The following UTRN variants were observed in gnomAD, a reference collection of about 807,000 sequenced individuals.
The protein encoded by UTRN is utrophin.
Under a neutral mutation model 463.9 loss-of-function variants are expected in UTRN, and 283 were observed. The observed-to-expected ratio is 0.61, with a 90% confidence interval of 0.55 to 0.67. The LOEUF is 0.67. Among genes scored for constraint, UTRN ranks in the 30% least tolerant of loss-of-function variants. The pLI is 0.00. For synonymous variants in UTRN, 1,442 were observed against 1,431.5 expected (o/e 1.01, Z -0.17); for missense variants, 3,922 against 4,084.3 (o/e 0.96, Z 1.08).
chr6:144,521,881 T>C (rs908293780), intron 39 of UTRN, 99 bp from the exon 40 acceptor site: 2 of 794,466 alleles, frequency 2.5e-6, no homozygotes, highest in African/African-American at 1.8e-5. Context: ...GTTCATGATA[T>C]TGCATTCCTT....
chr6:144,495,497 C>G (rs1793545432), intron 33 of UTRN, among the ~76,000 whole-genome samples: 1 of 152,228 alleles, frequency 6.6e-6, no homozygotes, highest in South Asian at 2.1e-4. Context: ...GCGTGGCGCG[C>G]AGCCCCGGTT....
intron 50 of UTRN, among the ~76,000 whole-genome samples, chr6:144,561,264 T>TATATAC (rs1799879040): frequency 1.0e-5 from 1 of 98,860 alleles, no homozygotes; most frequent in Non-Finnish European, 2.1e-5. Context: ...TATATATACA[T>TATATAC]ACACACACAC....
At chr6:144,623,853 T>A (rs1775683519) in intron 51 of UTRN, among the ~76,000 whole-genome samples, 1 of 152,204 alleles carries the variant, frequency 6.6e-6, no homozygotes, top group African/African-American at 2.4e-5. Context: ...AAATACATGA[T>A]ACCTTTAATA....
chr6:144,406,920 C>G (rs9321973), intron 3 of UTRN, among the ~76,000 whole-genome samples: 1 of 152,078 alleles, frequency 6.6e-6, no homozygotes, highest in African/African-American at 2.4e-5. Flanking sequence ...TCATTTTGCT[C>G]CAGCCACACG....
In UTRN at chr6:144,626,383, C is replaced by T. The variant is rs145746357; in HGVS notation, c.7479+49095C>T. On this transcript the variant is annotated intron_variant, in intron 51 of 74. Coordinates refer to ENST00000367545, the MANE Select transcript of UTRN (RefSeq NM_007124.3). ...ATCTCCTTTAAATCAGTTTCCCTCT[C>T]GCAACTGGTCAAGGGCCAGACTAGA... 1.3e-3 allele frequency among the ~76,000 whole-genome samples: 194 copies of T among 152,358 alleles called. 1 individual carries two copies. The highest frequency in any genetic ancestry group is 4.7e-3 in the Admixed American group (72 of 15,306).
At chr6:144,391,584 T>G (rs1387232177) in intron 2 of UTRN, among the ~76,000 whole-genome samples, 2 of 152,140 alleles carry the variant, frequency 1.3e-5, no homozygotes, top group Non-Finnish European at 1.5e-5. Context: ...TATTCGCAAG[T>G]AGGCTCGAAA....
chr6:144,723,402 A>G (rs1455057150), intron 53 of UTRN, among the ~76,000 whole-genome samples: 1 of 152,140 alleles, frequency 6.6e-6, no homozygotes, highest in African/African-American at 2.4e-5. Context: ...TAATTCTGAG[A>G]GCATTTCTCC....
intron 34 of UTRN, among the ~76,000 whole-genome samples, chr6:144,502,343 G>T (rs1018674060): frequency 6.6e-6 from 1 of 151,404 alleles, no homozygotes; most frequent in African/African-American, 2.4e-5. Flanking sequence ...ACGTGCCATG[G>T]TCATTTGTCT....
intron 2 of UTRN, among the ~76,000 whole-genome samples, chr6:144,391,920 G>T (rs969290728): frequency 6.6e-6 from 1 of 152,204 alleles, no homozygotes; most frequent in African/African-American, 2.4e-5. Flanking sequence ...GATTACAGGC[G>T]TGAGCCACTG....
intron 53 of UTRN, among the ~76,000 whole-genome samples, chr6:144,702,743 G>C (rs1784717328): frequency 6.6e-6 from 1 of 152,108 alleles, no homozygotes; most frequent in South Asian, 2.1e-4. Context: ...GAGGCAGAGA[G>C]CACAAAGGCC....
chr6:144,383,046 C>T (rs895892978), intron 2 of UTRN, among the ~76,000 whole-genome samples: 6 of 152,048 alleles, frequency 3.9e-5, no homozygotes, highest in African/African-American at 1.4e-4. Context: ...ATCCTCCCAC[C>T]CCACCCTCCC....
chr6:144,742,350 C>G lies in UTRN; in HGVS notation c.7940-5896C>G, dbSNP rs982413325. Among the ~76,000 whole-genome samples, 15 of 152,292 alleles carry G rather than the reference C, an allele frequency of 9.8e-5. No individual in the cohort carries two copies. In the East Asian group the frequency reaches 2.9e-3, roughly 29 times the overall value. Reference sequence around the variant, plus strand: ...GTTATTGTACAGAGTAGGAAATGGTCAGGGCCCTCTCAAACACTGATTGAA... The same window carrying G: ...GTTATTGTACAGAGTAGGAAATGGTGAGGGCCCTCTCAAACACTGATTGAA... On this transcript the variant is annotated intron_variant, in intron 54 of 74. Transcript: ENST00000367545.
intron 33 of UTRN, among the ~76,000 whole-genome samples, chr6:144,498,955 G>A (rs1055970528): frequency 4.6e-5 from 7 of 152,106 alleles, no homozygotes; most frequent in African/African-American, 1.7e-4. Context: ...TTATAGACAT[G>A]AGCCACTGTG....
chr6:144,361,107 T>C (rs2114685607), intron 2 of UTRN, among the ~76,000 whole-genome samples: 1 of 152,366 alleles, frequency 6.6e-6, no homozygotes, highest in East Asian at 1.9e-4. Context: ...ATTCTTGTTA[T>C]GCTGCTTCCC....
intron 2 of UTRN, among the ~76,000 whole-genome samples, chr6:144,323,240 T>C (rs1775776233): frequency 6.6e-6 from 1 of 152,210 alleles, no homozygotes; most frequent in South Asian, 2.1e-4. Flanking sequence ...TTGGATTGAC[T>C]ATATATATGC....
intron 53 of UTRN, among the ~76,000 whole-genome samples, chr6:144,721,282 G>T (rs1369892280): frequency 6.6e-6 from 1 of 152,160 alleles, no homozygotes; most frequent in Non-Finnish European, 1.5e-5. Context: ...CACCATCATA[G>T]CTCACTGTAG....
Position 144,426,465 on chromosome 6 carries a change from A to G in UTRN, c.578+6A>G, listed in dbSNP as rs1785301337. ...GCTGTCCTCCACCGACATAAGTGAG[A>G]CATTACTCTATCTAGAAGTGGGCTT... is the stretch of plus-strand genomic sequence containing the variant. On this transcript the variant is annotated splice_donor_region_variant and intron_variant, in intron 7 of 74. Coordinates refer to ENST00000367545, the MANE Select transcript of UTRN (RefSeq NM_007124.3). 3 of 1,612,612 alleles carry G rather than the reference A, an allele frequency of 1.9e-6. No homozygotes were observed. The highest frequency in any genetic ancestry group is 1.1e-5 in the South Asian group (1 of 90,778).
chr6:144,539,220 G>T lies in UTRN; in HGVS notation c.6370-74G>T. The stretch of plus-strand genomic sequence containing the variant: ...GTTACATTTGTAATAATACCAAAAA[G>T]GTTTCTAATACAGTTCTTGAATTTT... On this transcript the variant is annotated intron_variant, in intron 44 of 74. Coordinates refer to ENST00000367545, the MANE Select transcript of UTRN (RefSeq NM_007124.3). 13 of 1,399,228 alleles carry T rather than the reference G, an allele frequency of 9.3e-6. No homozygotes were observed. In the South Asian group the frequency reaches 2.1e-4, roughly 23 times the overall value. The allele number at this position is 1,399,228 out of a possible 1,614,324, so 86.7% of individuals were successfully genotyped here. A position where few individuals can be genotyped will look rare whatever the true frequency, so the allele number is the denominator to read the frequency against.
chr6:144,462,855 A>G lies in UTRN; in HGVS notation c.3055A>G (p.Arg1019Gly). ...GCTTGAGGAAATTGCTCTCACACTC[A>G]GAGCTTTTGAGGTAAATCCAGAGGC... ...HLLEEIALTL[R>G]AFEADSTVIE... Residue 1019 changes from arginine to glycine, a missense_variant, in exon 23 of 75, where the codon AGA becomes GGA. This residue lies in a region of UTRN where 2,349 missense variants were observed against 2,303.8 expected (regional missense o/e 1.02). Transcript: ENST00000367545. The G allele has an allele frequency of 6.2e-7, 1 of 1,603,092 alleles. No homozygotes were observed. The highest frequency in any genetic ancestry group is 8.5e-7 in the Non-Finnish European group (1 of 1,177,790).
Sources: gnomAD v4.1 joint callset for allele counts (sites outside exome capture counted in the v4.1 genomes callset) on GRCh38, gnomAD v4.1.1 for gene constraint, gnomAD v4.1.1 regional missense constraint, MANE v1.5 for transcripts, NCBI Gene and HGNC (gene_info 2026-07-23, HGNC 2026-07-21) for gene names.